Variants in DTD1 observed in about 807,000 individuals in gnomAD.
The protein encoded by DTD1 is D-tyrosyl-tRNA deacylase 1 homolog.
Under a neutral mutation model 25.6 loss-of-function variants are expected in DTD1, and 13 were observed. That is an observed-to-expected ratio of 0.51 (90% confidence interval 0.33 to 0.81). The LOEUF (loss-of-function observed/expected upper bound fraction) is 0.81, where lower values mean the gene tolerates loss of function less well. Among genes scored for constraint, DTD1 ranks in the 30% least tolerant of loss-of-function variants. The pLI is 0.02. For synonymous variants in DTD1, 110 were observed against 103.6 expected (o/e 1.06, Z -0.37); for missense variants, 193 against 266.4 (o/e 0.72, Z 1.92).
At chr20:18,618,667 T>A (rs1447168466) in intron 3 of DTD1, among the ~76,000 whole-genome samples, 1 of 118,862 alleles carries the variant, frequency 8.4e-6, no homozygotes, top group Non-Finnish European at 1.7e-5. Flanking sequence ...ATATACATAA[T>A]TTTATACACA....
At chr20:18,637,373 C>T (rs6081267) in intron 4 of DTD1, among the ~76,000 whole-genome samples, 1 of 151,960 alleles carries the variant, frequency 6.6e-6, no homozygotes, top group Non-Finnish European at 1.5e-5. Flanking sequence ...GCCGATGCAG[C>T]AACAACAGCT....
chr20:18,726,880 A>G (rs1600392937), intron 4 of DTD1, among the ~76,000 whole-genome samples: 1 of 148,166 alleles, frequency 6.7e-6, no homozygotes, highest in Non-Finnish European at 1.5e-5. Flanking sequence ...TATAGGGGCC[A>G]GAAAGGACTC....
At chr20:18,635,361 G>A (rs1361210035) in intron 4 of DTD1, among the ~76,000 whole-genome samples, 2 of 152,154 alleles carry the variant, frequency 1.3e-5, no homozygotes, top group Non-Finnish European at 1.5e-5. Context: ...CTGACTTCTG[G>A]GACGTAGGCT....
intron 3 of DTD1, among the ~76,000 whole-genome samples, chr20:18,608,439 G>C (rs556701303): frequency 6.6e-6 from 1 of 151,574 alleles, no homozygotes; most frequent in Non-Finnish European, 1.5e-5. Flanking sequence ...ATGTGCTGCT[G>C]AAGCAAGCAC....
In DTD1 at chr20:18,729,990, G is replaced by A. The variant is rs1026385962; in HGVS notation, c.478-14110G>A. Among the ~76,000 whole-genome samples, 27 of 152,124 alleles carry A rather than the reference G, an allele frequency of 1.8e-4. No homozygotes were observed. The South Asian group carries it at 5.6e-3, about 32-fold the overall frequency. Reference sequence around the variant, plus strand: ...CCTTTTGCTTGTGTCTTTTCTTCTAGGTGGGGCCTGTGTGTGCTCTCCTGT... The same window carrying A: ...CCTTTTGCTTGTGTCTTTTCTTCTAAGTGGGGCCTGTGTGTGCTCTCCTGT... On this transcript the variant is annotated intron_variant, in intron 4 of 5. Coordinates refer to ENST00000377452, the MANE Select transcript of DTD1 (RefSeq NM_080820.6).
At chr20:18,663,322 T>C (rs6136458) in intron 4 of DTD1, among the ~76,000 whole-genome samples, 54,856 of 151,632 alleles carry the variant, frequency 0.36, 10,231 homozygotes, top group Non-Finnish European at 0.41. Context: ...AGTTCTAGGC[T>C]AGCCTGGGCA....
At position 18,764,445 on chromosome 20, in the gene DTD1, A is replaced by G. The variant is rs1031025971; in HGVS notation, c.*1105A>G. Reference sequence around the variant, plus strand: ...TATTTATATATCTAATAACGCTCGCATATATGCTCTCTGGAAAATATTTTT... The same window carrying G: ...TATTTATATATCTAATAACGCTCGCGTATATGCTCTCTGGAAAATATTTTT... On this transcript the variant is annotated 3_prime_UTR_variant, in exon 6 of 6. Transcript: ENST00000377452. 1.5e-4 allele frequency: 23 copies of G among 152,230 alleles called. No homozygotes were observed. The highest frequency in any genetic ancestry group is 5.3e-4 in the African/African-American group (22 of 41,448). 9.4% of individuals were successfully genotyped at this position (152,230 alleles called of 1,614,324 possible). A position where few individuals can be genotyped will look rare whatever the true frequency, so the allele number is the denominator to read the frequency against.
In DTD1 at chr20:18,614,911, C is replaced by T. The variant is rs548164056; in HGVS notation, c.371-13216C>T. ...CCTTCTAAAACGGCCGCAGTGTACCCTCTTCCCCTTTCTGCTCTCCTCCCC... is the reference window on the plus strand; with the variant it reads ...CCTTCTAAAACGGCCGCAGTGTACCTTCTTCCCCTTTCTGCTCTCCTCCCC... On this transcript the variant is annotated intron_variant, in intron 3 of 5. Transcript: ENST00000377452. Among the ~76,000 whole-genome samples the T allele has an allele frequency of 4.6e-5, 7 of 151,878 alleles. No homozygotes were observed. The East Asian group carries it at 1.4e-3, about 29-fold the overall frequency.
intron 4 of DTD1, among the ~76,000 whole-genome samples, chr20:18,655,160 C>A (rs531543401): frequency 1.3e-5 from 2 of 152,252 alleles, no homozygotes; most frequent in African/African-American, 4.8e-5. Context: ...TGTAATACAG[C>A]CTAGGAAATG....
chr20:18,649,372 T>C (rs1346232052), intron 4 of DTD1, among the ~76,000 whole-genome samples: 2 of 130,462 alleles, frequency 1.5e-5, no homozygotes, highest in Admixed American at 1.6e-4. Flanking sequence ...GGAGTCTTGC[T>C]CTGTCGCCCA....
intron 4 of DTD1, among the ~76,000 whole-genome samples, chr20:18,676,114 G>GTA (rs2060973158): frequency 6.6e-6 from 1 of 152,176 alleles, no homozygotes; most frequent in Admixed American, 6.5e-5. Flanking sequence ...TTGGTGAACT[G>GTA]TACTGTGTAC....
At chr20:18,617,766 C>T (rs1326642225) in intron 3 of DTD1, among the ~76,000 whole-genome samples, 1 of 151,674 alleles carries the variant, frequency 6.6e-6, no homozygotes, top group Non-Finnish European at 1.5e-5. Context: ...AAAAATATTC[C>T]CCTTTCTATA....
At chr20:18,707,174 G>A (rs771649068) in intron 4 of DTD1, among the ~76,000 whole-genome samples, 25 of 152,220 alleles carry the variant, frequency 1.6e-4, no homozygotes, top group Non-Finnish European at 2.6e-4. Context: ...CGTTTCCTTA[G>A]CTCCCTTAGA....
chr20:18,688,901 T>C (rs1053687299), intron 4 of DTD1, among the ~76,000 whole-genome samples: 2 of 151,290 alleles, frequency 1.3e-5, no homozygotes, highest in East Asian at 3.9e-4. Context: ...GGTGGGGAGG[T>C]ATGTGTTAGC....
chr20:18,711,009 TG>T (rs2061156381), intron 4 of DTD1, among the ~76,000 whole-genome samples: 2 of 152,216 alleles, frequency 1.3e-5, no homozygotes. Context: ...GAAATCACTT[TG>T]GTTACTTTGG....
chr20:18,623,655 T>C (rs1036293225), intron 3 of DTD1, among the ~76,000 whole-genome samples: 1 of 152,148 alleles, frequency 6.6e-6, no homozygotes, highest in African/African-American at 2.4e-5. Flanking sequence ...GCACCCACCC[T>C]GGCGCAGGCC....
chr20:18,616,342 A>C (rs34026117), intron 3 of DTD1, among the ~76,000 whole-genome samples: 77,612 of 152,052 alleles, frequency 0.51, 20,180 homozygotes, highest in Middle Eastern at 0.56. Flanking sequence ...AATGTAGCAT[A>C]CCTCTTCCCA....
At chr20:18,611,658 C>T (rs2060686912) in intron 3 of DTD1, among the ~76,000 whole-genome samples, 2 of 152,262 alleles carry the variant, frequency 1.3e-5, no homozygotes, top group African/African-American at 2.4e-5. Flanking sequence ...GACATTTCCT[C>T]ATCTGCCGCA....
chr20:18,718,338 G>A (rs1037317312), intron 4 of DTD1, among the ~76,000 whole-genome samples: 3 of 152,170 alleles, frequency 2.0e-5, no homozygotes, highest in Non-Finnish European at 2.9e-5. Flanking sequence ...AGGTGGCAGC[G>A]ACCTTCAAGG....
Sources: allele counts gnomAD v4.1 joint callset (sites outside exome capture counted in the v4.1 genomes callset), GRCh38; gene constraint gnomAD v4.1.1; transcripts MANE v1.5; gene names NCBI Gene and HGNC (gene_info 2026-07-23, HGNC 2026-07-21).